The following ENOX1 variants were observed in gnomAD, a reference collection of about 807,000 sequenced individuals.
The protein encoded by ENOX1 is candidate growth-related and time keeping constitutive hydroquinone (NADH) oxidase.
ENOX1 carries 42 observed loss-of-function variants against 82.5 expected under a neutral mutation model. That is an observed-to-expected ratio of 0.51 (90% confidence interval 0.40 to 0.66). The LOEUF is 0.66. Ranked by LOEUF, ENOX1 falls within the 30% of genes least tolerant of loss-of-function variation. ENOX1 has a pLI of 0.00. For synonymous variants in ENOX1, 271 were observed against 282.2 expected (o/e 0.96, Z 0.40); for missense variants, 608 against 811.6 (o/e 0.75, Z 3.05).
chr13:43,224,531 C>A (rs1375503076), intron 15 of ENOX1, among the ~76,000 whole-genome samples: 1 of 152,158 alleles, frequency 6.6e-6, no homozygotes, highest in Non-Finnish European at 1.5e-5. Flanking sequence ...GAAAATGGCT[C>A]ATACAACTGT....
At chr13:43,615,131 T>C (rs1039228385) in intron 2 of ENOX1, among the ~76,000 whole-genome samples, 1 of 152,164 alleles carries the variant, frequency 6.6e-6, no homozygotes, top group Non-Finnish European at 1.5e-5. Flanking sequence ...TTCTTTAAAA[T>C]AAGAGGAATA....
At chr13:43,516,337 T>C (rs957283570) in intron 2 of ENOX1, among the ~76,000 whole-genome samples, 19 of 152,222 alleles carry the variant, frequency 1.2e-4, no homozygotes, top group Middle Eastern at 3.4e-3. Flanking sequence ...TTCTACGGGA[T>C]CTAAAAATGT....
chr13:43,478,495 GA>G (rs2058381418), intron 3 of ENOX1, among the ~76,000 whole-genome samples: 2 of 152,046 alleles, frequency 1.3e-5, no homozygotes, highest in Admixed American at 1.3e-4. Context: ...TTAAAAACCT[GA>G]CTCAGGAACT....
At chr13:43,647,977 T>C (rs138976029) in intron 2 of ENOX1, among the ~76,000 whole-genome samples, 220 of 152,284 alleles carry the variant, frequency 1.4e-3, no homozygotes, top group African/African-American at 5.0e-3. Context: ...GTGTGACCTG[T>C]AGAAAATGGA....
chr13:43,429,003 C>A (rs1318258529), intron 3 of ENOX1, among the ~76,000 whole-genome samples: 1 of 152,146 alleles, frequency 6.6e-6, no homozygotes, highest in African/African-American at 2.4e-5. Context: ...TTTTTTCATT[C>A]TCAGTAGAGA....
At chr13:43,259,864 G>C (rs1307928177) in intron 14 of ENOX1, among the ~76,000 whole-genome samples, 1 of 152,158 alleles carries the variant, frequency 6.6e-6, no homozygotes, top group Non-Finnish European at 1.5e-5. Flanking sequence ...TCCTCTCCCA[G>C]TTCAAGATCG....
At chr13:43,221,974 T>A (rs190581188) in intron 16 of ENOX1, among the ~76,000 whole-genome samples, 1 of 152,066 alleles carries the variant, frequency 6.6e-6, no homozygotes, top group Admixed American at 6.6e-5. Context: ...AGTTTTAGAG[T>A]ACTTTTTCAA....
chr13:43,290,722 T>C (rs910411453), intron 12 of ENOX1, among the ~76,000 whole-genome samples: 2 of 152,122 alleles, frequency 1.3e-5, no homozygotes, highest in South Asian at 2.1e-4. Flanking sequence ...ACATGTACCC[T>C]CTGTATCTAA....
At chr13:43,435,949 A>G (rs1035522181) in intron 3 of ENOX1, among the ~76,000 whole-genome samples, 1 of 151,168 alleles carries the variant, frequency 6.6e-6, no homozygotes, top group Admixed American at 6.6e-5. Flanking sequence ...AAAAAAACCA[A>G]CCTATGTGGG....
At chr13:43,218,976 C>A (rs1386953389) in intron 16 of ENOX1, among the ~76,000 whole-genome samples, 1 of 152,180 alleles carries the variant, frequency 6.6e-6, no homozygotes, top group Non-Finnish European at 1.5e-5. Flanking sequence ...CCCACCAGTA[C>A]ATTCTTTGTC....
At chr13:43,354,003 T>G (rs1193180794) in intron 8 of ENOX1, among the ~76,000 whole-genome samples, 1 of 152,252 alleles carries the variant, frequency 6.6e-6, no homozygotes, top group South Asian at 2.1e-4. Flanking sequence ...CATAACTAGA[T>G]GATACGCTTT....
At chr13:43,423,430 G>A (rs2055094549) in intron 3 of ENOX1, among the ~76,000 whole-genome samples, 1 of 152,156 alleles carries the variant, frequency 6.6e-6, no homozygotes, top group Non-Finnish European at 1.5e-5. Context: ...TGGGATTCAG[G>A]GCAAACACAT....
intron 3 of ENOX1, among the ~76,000 whole-genome samples, chr13:43,464,015 AG>A (rs1222027755): frequency 6.6e-6 from 1 of 152,210 alleles, no homozygotes; most frequent in Non-Finnish European, 1.5e-5. Context: ...GCATGCTTAC[AG>A]GCACACACAC....
chr13:43,493,620 A>G (rs1349372820), intron 2 of ENOX1, among the ~76,000 whole-genome samples: 1 of 152,146 alleles, frequency 6.6e-6, no homozygotes, highest in African/African-American at 2.4e-5. Context: ...GATCTTCCCC[A>G]TTCAGTCCAC....
rs139264265 is a variant in ENOX1, at chr13:43,233,249, T to C, written c.1714+3387A>G. Among the ~76,000 whole-genome samples, 301 of 152,286 alleles carry C rather than the reference T, an allele frequency of 2.0e-3. 1 individual carries two copies. Among genetic ancestry groups the C allele is most frequent in the African/African-American group, 6.9e-3 (287 of 41,550 alleles). ...TCAACCTGTCTCCACAAAAATTGAT[T>C]ACAAAATGAATAACCCAGAAATCAC... is the stretch of plus-strand genomic sequence containing the variant. On this transcript the variant is annotated intron_variant, in intron 15 of 16. Transcript: ENST00000690772.
chr13:43,617,403 C>T lies in ENOX1; in HGVS notation c.-219+50076G>A, dbSNP rs141382665. Among the ~76,000 whole-genome samples the T allele has an allele frequency of 2.4e-4, 36 of 152,296 alleles. No homozygotes were observed. In the East Asian group the frequency reaches 5.8e-3, roughly 24 times the overall value. On this transcript the variant is annotated intron_variant, in intron 2 of 16. Coordinates refer to ENST00000690772, the MANE Select transcript of ENOX1 (RefSeq NM_001347969.2). Reference sequence around the variant, plus strand: ...CCTTCTGAAGAGTTTCATCAATTTACAGTACAATCAAAAGACAATTTCACT... The same window carrying T: ...CCTTCTGAAGAGTTTCATCAATTTATAGTACAATCAAAAGACAATTTCACT...
At chr13:43,504,541 T>G (rs918801431) in intron 2 of ENOX1, among the ~76,000 whole-genome samples, 1 of 151,784 alleles carries the variant, frequency 6.6e-6, no homozygotes, top group Non-Finnish European at 1.5e-5. Context: ...TGGAAGACAT[T>G]ATGCTCAGTA....
intron 11 of ENOX1, chr13:43,321,074 A>G (rs1009130024): frequency 2.2e-6 from 1 of 456,210 alleles, no homozygotes; most frequent in Non-Finnish European, 4.4e-6. Flanking sequence ...AAATAGTGGC[A>G]TGGTGCCTAC....
chr13:43,727,237 T>G (rs1460880973), intron 1 of ENOX1, among the ~76,000 whole-genome samples: 1 of 152,142 alleles, frequency 6.6e-6, no homozygotes, highest in African/African-American at 2.4e-5. Context: ...ATCCTGCAGC[T>G]AATTCCTTAA....
Sources: allele counts gnomAD v4.1 joint callset (sites outside exome capture counted in the v4.1 genomes callset), GRCh38; gene constraint gnomAD v4.1.1; transcripts MANE v1.5; gene names NCBI Gene and HGNC (gene_info 2026-07-23, HGNC 2026-07-21).